The following SRPK2 variants were observed in gnomAD, a reference collection of about 807,000 sequenced individuals.
SRPK2 encodes SRSF protein kinase 2.
In SRPK2, 21 loss-of-function variants were observed where a neutral mutation model predicts 90.8. That is an observed-to-expected ratio of 0.23 (90% CI 0.16 to 0.33). SRPK2 has a LOEUF of 0.33. Ranked by LOEUF, SRPK2 falls within the 10% of genes least tolerant of loss-of-function variation. The probability of loss-of-function intolerance (pLI) is 1.00; values close to 1 mark genes in which losing one functional copy is unlikely to be tolerated. For synonymous variants in SRPK2, 288 were observed against 311.1 expected (o/e 0.93, Z 0.78); for missense variants, 620 against 869.0 (o/e 0.71, Z 3.60).
intron 2 of SRPK2, among the ~76,000 whole-genome samples, chr7:105,361,132 C>T (rs1025344180): frequency 5.3e-5 from 8 of 152,154 alleles, no homozygotes; most frequent in Admixed American, 1.3e-4. Context: ...TCAGCAAAGT[C>T]TCAGTCAATG....
chr7:105,244,486 AT>A (rs762296212), intron 2 of SRPK2, among the ~76,000 whole-genome samples: 1 of 152,256 alleles, frequency 6.6e-6, no homozygotes, highest in Non-Finnish European at 1.5e-5. Context: ...AGGCGGGAGA[AT>A]CGCTTGAACC....
chr7:105,169,636 A>G (rs117095024), intron 3 of SRPK2, among the ~76,000 whole-genome samples: 122 of 152,312 alleles, frequency 8.0e-4, no homozygotes, highest in Non-Finnish European at 1.6e-3. Flanking sequence ...CTGAGGGGAG[A>G]GAATCACTTG....
At chr7:105,144,922 C>G (rs1319548930) in intron 9 of SRPK2, among the ~76,000 whole-genome samples, 1 of 152,086 alleles carries the variant, frequency 6.6e-6, no homozygotes, top group Non-Finnish European at 1.5e-5. Flanking sequence ...GTCTGGCCAA[C>G]ATGGTGAAAC....
chr7:105,209,530 C>T (rs1002139698), intron 2 of SRPK2, among the ~76,000 whole-genome samples: 1 of 150,362 alleles, frequency 6.7e-6, no homozygotes, highest in Non-Finnish European at 1.5e-5. Context: ...AGAGTGAGAC[C>T]CTGTCTCAGG....
intron 2 of SRPK2, among the ~76,000 whole-genome samples, chr7:105,354,950 G>T (rs1339116975): frequency 6.6e-6 from 1 of 151,974 alleles, no homozygotes; most frequent in African/African-American, 2.4e-5. Context: ...CTGTCTCTAT[G>T]AGTTTGCTTA....
chr7:105,159,960 T>C (rs1475602546), intron 7 of SRPK2, among the ~76,000 whole-genome samples: 1 of 152,110 alleles, frequency 6.6e-6, no homozygotes, highest in Non-Finnish European at 1.5e-5. Context: ...ATAGACTCTG[T>C]GTGTGTGTAC....
intron 2 of SRPK2, among the ~76,000 whole-genome samples, chr7:105,215,895 T>C (rs2129613966): frequency 6.6e-6 from 1 of 152,092 alleles, no homozygotes; most frequent in Admixed American, 6.5e-5. Context: ...ATAAAATAGT[T>C]ATAAAATTAA....
intron 15 of SRPK2, among the ~76,000 whole-genome samples, chr7:105,124,572 C>T (rs759259594): frequency 7.3e-6 from 1 of 137,026 alleles, no homozygotes; most frequent in Non-Finnish European, 1.5e-5. Flanking sequence ...AGCCTGGAGG[C>T]GGAAGTTGCA....
chr7:105,380,703 T>C (rs189011241), intron 2 of SRPK2, among the ~76,000 whole-genome samples: 209 of 151,830 alleles, frequency 1.4e-3, no homozygotes, highest in South Asian at 2.9e-3. Flanking sequence ...TTTGTATTTT[T>C]AGAAGAGACG....
At chr7:105,347,951 A>G (rs1040582143) in intron 2 of SRPK2, among the ~76,000 whole-genome samples, 2 of 152,060 alleles carry the variant, frequency 1.3e-5, no homozygotes, top group African/African-American at 4.8e-5. Context: ...TACTCATGAA[A>G]GACAGCTGTA....
At chr7:105,300,078 C>T (rs1180925623) in intron 2 of SRPK2, among the ~76,000 whole-genome samples, 2 of 151,322 alleles carry the variant, frequency 1.3e-5, no homozygotes, top group Non-Finnish European at 2.9e-5. Context: ...ACAGTATTAG[C>T]AATAATTGGC....
At chr7:105,368,424 C>A (rs965580527) in intron 2 of SRPK2, among the ~76,000 whole-genome samples, 3 of 152,134 alleles carry the variant, frequency 2.0e-5, no homozygotes, top group Non-Finnish European at 2.9e-5. Context: ...AAGGTTCTTA[C>A]AATAATCTCT....
At chr7:105,182,754 C>T (rs59798328) in intron 3 of SRPK2, among the ~76,000 whole-genome samples, 6,221 of 152,250 alleles carry the variant, frequency 0.041, 456 homozygotes, top group African/African-American at 0.14. Flanking sequence ...AGGCGTGAGC[C>T]ACAGTGCCTG....
At chr7:105,176,186 G>T (rs1472620045) in intron 3 of SRPK2, among the ~76,000 whole-genome samples, 1 of 152,094 alleles carries the variant, frequency 6.6e-6, no homozygotes, top group Non-Finnish European at 1.5e-5. Flanking sequence ...AAATCCAACT[G>T]ATGTAATTCA....
At chr7:105,283,261 T>C (rs548609516) in intron 2 of SRPK2, among the ~76,000 whole-genome samples, 1 of 152,202 alleles carries the variant, frequency 6.6e-6, no homozygotes, top group Non-Finnish European at 1.5e-5. Flanking sequence ...AGTTACCATA[T>C]GACCCAACAA....
intron 3 of SRPK2, among the ~76,000 whole-genome samples, chr7:105,197,622 C>T (rs117002853): frequency 6.6e-6 from 1 of 152,212 alleles, no homozygotes; most frequent in East Asian, 1.9e-4. Context: ...AACTACAGGG[C>T]CTTGACCAAA....
chr7:105,273,042 C>T (rs551557855), intron 2 of SRPK2, among the ~76,000 whole-genome samples: 24 of 152,012 alleles, frequency 1.6e-4, no homozygotes, highest in African/African-American at 4.8e-4. Flanking sequence ...GGTGAAACTC[C>T]GTCTCTACTA....
Position 105,235,483 on chromosome 7 carries a change from C to T in SRPK2, c.72-31698G>A, listed in dbSNP as rs1054256679. On this transcript the variant is annotated intron_variant, in intron 2 of 15. Coordinates refer to ENST00000393651, the MANE Select transcript of SRPK2 (RefSeq NM_182692.3). ...GATTGTGTGTGTGTGTGTGTGTGTG[C>T]ATGTGCATGCATTTTAAATATGTAT... 8.9e-4 allele frequency among the ~76,000 whole-genome samples: 128 copies of T among 144,398 alleles called. 1 individual carries two copies. The highest frequency in any genetic ancestry group is 3.2e-3 in the African/African-American group (124 of 38,176). 94.7% of individuals were successfully genotyped at this position (144,398 alleles called of 152,430 possible).
At chr7:105,125,959 C>T in intron 15 of SRPK2, 2 of 715,194 alleles carry the variant, frequency 2.8e-6, no homozygotes, top group Non-Finnish European at 4.4e-6. Flanking sequence ...ACCGCCCGCG[C>T]AGACAGAAAC....
Sources: gnomAD v4.1 joint callset for allele counts (sites outside exome capture counted in the v4.1 genomes callset) on GRCh38, gnomAD v4.1.1 for gene constraint, MANE v1.5 for transcripts, NCBI Gene and HGNC (gene_info 2026-07-23, HGNC 2026-07-21) for gene names.